SAXO1: variants seen among roughly 807,000 people sequenced by gnomAD.
SAXO1 encodes the protein stabilizer of axonemal microtubules 1.
A neutral mutation model predicts 17.5 loss-of-function variants in SAXO1; 21 were observed. That is an observed-to-expected ratio of 1.20 (90% CI 0.85 to 1.72). SAXO1 has a LOEUF of 1.72. SAXO1 is among the 40% of genes most tolerant of loss of function. The pLI is 0.00. For synonymous variants in SAXO1, 274 were observed against 216.5 expected (o/e 1.27, Z -2.33); for missense variants, 843 against 596.0 (o/e 1.41, Z -4.32).
At chr9:18,994,318 C>T (rs183399494) in intron 1 of SAXO1, among the ~76,000 whole-genome samples, 164 of 152,266 alleles carry the variant, frequency 1.1e-3, no homozygotes, top group African/African-American at 3.1e-3. Context: ...GTGCCATGTA[C>T]GTAAAAGATG....
chr9:18,962,987 G>T (rs1165968408), intron 1 of SAXO1, among the ~76,000 whole-genome samples: 1 of 152,164 alleles, frequency 6.6e-6, no homozygotes, highest in African/African-American at 2.4e-5. Context: ...AAAGTGTAAG[G>T]AAGGGGTCCA....
At chr9:18,935,703 C>G (rs1831257456) in intron 3 of SAXO1, among the ~76,000 whole-genome samples, 2 of 152,208 alleles carry the variant, frequency 1.3e-5, no homozygotes, top group African/African-American at 2.4e-5. Flanking sequence ...ACATTCCTAG[C>G]TGGTTTGCTG....
intron 1 of SAXO1, among the ~76,000 whole-genome samples, chr9:18,976,660 G>T (rs191628296): frequency 5.6e-4 from 85 of 152,300 alleles, no homozygotes; most frequent in African/African-American, 1.7e-3. Context: ...GAGGTTAATT[G>T]TAACTCTCCC....
At chr9:18,997,787 T>G (rs915184403) in intron 1 of SAXO1, among the ~76,000 whole-genome samples, 14 of 152,154 alleles carry the variant, frequency 9.2e-5, no homozygotes, top group African/African-American at 3.4e-4. Context: ...GTCAGCAATA[T>G]TTGCTGTTCT....
rs750479763 is a variant in SAXO1, at chr9:18,928,745, G to A, written c.732C>T (p.Tyr244=). The change falls in exon 4 of 4, where the codon TAC becomes TAT. Residue 244 remains tyrosine, a synonymous_variant. Coordinates refer to ENST00000380534, the MANE Select transcript of SAXO1 (RefSeq NM_153707.4). ...FESLTTQKQS[Y]RGLMGEPAKS... Reference sequence around the variant, plus strand: ...TGGCAGGCTCCCCCATCAGGCCCCGGTAGGATTGTTTTTGAGTGGTAAGGC... The same window carrying A: ...TGGCAGGCTCCCCCATCAGGCCCCGATAGGATTGTTTTTGAGTGGTAAGGC... 5.6e-6 allele frequency: 9 copies of A among 1,614,030 alleles called. No homozygotes were observed. The highest frequency in any genetic ancestry group is 7.6e-6 in the Non-Finnish European group (9 of 1,180,048).
chr9:18,963,173 C>T (rs950103027), intron 1 of SAXO1, among the ~76,000 whole-genome samples: 26 of 152,130 alleles, frequency 1.7e-4, no homozygotes, highest in African/African-American at 4.1e-4. Flanking sequence ...TGTTTTGGTA[C>T]GAGTACCATG....
intron 1 of SAXO1, among the ~76,000 whole-genome samples, chr9:18,971,265 C>A (rs1832932492): frequency 1.3e-5 from 2 of 152,052 alleles, no homozygotes; most frequent in Admixed American, 6.6e-5. Flanking sequence ...TCGTAAGCTG[C>A]CAAAACTGAA....
upstream of SAXO1, among the ~76,000 whole-genome samples, chr9:19,036,182 G>A (rs1389586626): frequency 4.0e-5 from 6 of 148,612 alleles, no homozygotes; most frequent in South Asian, 2.1e-4. Flanking sequence ...TGCAGCAAAC[G>A]ACCATGGCAC....
chr9:18,976,453 T>C (rs1833154077), intron 1 of SAXO1, among the ~76,000 whole-genome samples: 1 of 152,182 alleles, frequency 6.6e-6, no homozygotes, highest in Non-Finnish European at 1.5e-5. Context: ...AGAAACTTGG[T>C]AATATGATTG....
chr9:18,928,609 C>T lies in SAXO1; in HGVS notation c.868G>A (p.Ala290Thr). 1 of 1,614,072 alleles carries T rather than the reference C, an allele frequency of 6.2e-7. No individual in the cohort carries two copies. The highest frequency in any genetic ancestry group is 2.2e-5 in the East Asian group (1 of 44,868). Residue 290 changes from alanine to threonine, a missense_variant, in exon 4 of 4, where the codon GCT becomes ACT. Ala to Thr is a moderately conservative substitution (Grantham distance 58). Coordinates refer to ENST00000380534, the MANE Select transcript of SAXO1 (RefSeq NM_153707.4). ...AWPMPRMFSK[A>T]PITYVPPEDR... ...TCGGGAGGGACGTAGGTGATGGGAG[C>T]TTTGGAGAACATCCGGGGCATTGGC...
chr9:19,047,991 AGAG>A lies in SAXO1; in HGVS notation c.-158+1215_-158+1217del, dbSNP rs1417863721. On this transcript the variant is annotated intron_variant, in intron 1 of 3. Coordinates refer to the SAXO1 transcript ENST00000542071. ...CAAGGAGATGAAACTGAATACATTG[AGAG>A]GAGATTTTCCACATACTATATTGTA... Among the ~76,000 whole-genome samples the A allele has an allele frequency of 3.3e-5, 5 of 152,340 alleles. No homozygotes were observed. In the South Asian group the frequency reaches 8.3e-4, roughly 25 times the overall value.
intron 1 of SAXO1, among the ~76,000 whole-genome samples, chr9:19,012,553 A>T (rs1405540572): frequency 6.6e-6 from 1 of 152,230 alleles, no homozygotes; most frequent in Non-Finnish European, 1.5e-5. Flanking sequence ...TTAGATGGGC[A>T]ACTCTAGCAA....
chr9:19,041,946 A>G (rs1836088891), intron 1 of SAXO1, among the ~76,000 whole-genome samples: 1 of 152,190 alleles, frequency 6.6e-6, no homozygotes, highest in Admixed American at 6.5e-5. Flanking sequence ...GACACATGGG[A>G]TCATATCAAG....
At chr9:18,974,892 A>C (rs1833076835) in intron 1 of SAXO1, among the ~76,000 whole-genome samples, 1 of 152,198 alleles carries the variant, frequency 6.6e-6, no homozygotes, top group Non-Finnish European at 1.5e-5. Flanking sequence ...TTTTGATAAC[A>C]AACAGGATAT....
chr9:19,013,746 C>T (rs1834851465), intron 1 of SAXO1, among the ~76,000 whole-genome samples: 1 of 151,888 alleles, frequency 6.6e-6, no homozygotes, highest in Non-Finnish European at 1.5e-5. Context: ...GGGTTTTCAC[C>T]ATGTTGGCCA....
At chr9:18,979,983 T>C (rs112096979) in intron 1 of SAXO1, among the ~76,000 whole-genome samples, 2,137 of 152,270 alleles carry the variant, frequency 0.014, 46 homozygotes, top group African/African-American at 0.049. Context: ...CAGACTGTAC[T>C]GGGCAAGTGA....
intron 1 of SAXO1, among the ~76,000 whole-genome samples, chr9:19,006,350 G>A (rs754174857): frequency 6.6e-6 from 1 of 152,210 alleles, no homozygotes; most frequent in Non-Finnish European, 1.5e-5. Context: ...CCAATAGCCA[G>A]AAGTAGAAAC....
At chr9:18,962,088 A>T (rs1832510263) in intron 1 of SAXO1, among the ~76,000 whole-genome samples, 1 of 151,874 alleles carries the variant, frequency 6.6e-6, no homozygotes, top group Non-Finnish European at 1.5e-5. Context: ...CTTTCTTAAG[A>T]TGGAGTTTTG....
intron 1 of SAXO1, among the ~76,000 whole-genome samples, chr9:19,030,231 C>A (rs893098864): frequency 3.3e-5 from 5 of 151,972 alleles, no homozygotes; most frequent in Admixed American, 1.3e-4. Context: ...TGCCAAGAAA[C>A]CTGATCCAAT....
Sources: gnomAD v4.1 joint callset for allele counts (sites outside exome capture counted in the v4.1 genomes callset) on GRCh38, gnomAD v4.1.1 for gene constraint, MANE v1.5 for transcripts, NCBI Gene and HGNC (gene_info 2026-07-23, HGNC 2026-07-21) for gene names.